Variants in ING3 observed in about 807,000 individuals in gnomAD.
The protein encoded by ING3 is inhibitor of growth protein 3.
A neutral mutation model predicts 64.8 loss-of-function variants in ING3; 6 were observed. The observed-to-expected ratio is 0.09, with a 90% CI of 0.05 to 0.18. The LOEUF is 0.18. Ranked by LOEUF, ING3 falls within the 10% of genes least tolerant of loss-of-function variation. The pLI is 1.00. For missense variants in ING3, 310 were observed against 489.7 expected (o/e 0.63, Z 3.46); for synonymous variants, 170 against 173.7 (o/e 0.98, Z 0.17).
rs1396798395 is a variant in ING3 at position 120,970,795 on chromosome 7, C to A, written c.1016C>A (p.Thr339Lys). 1 of 1,613,396 alleles carries A rather than the reference C, an allele frequency of 6.2e-7. No individual in the cohort carries two copies. The highest frequency in any genetic ancestry group is 8.5e-7 in the Non-Finnish European group (1 of 1,179,854). The change falls in exon 10 of 12, where the codon ACA (threonine) becomes AAA (lysine). Residue 339 changes from threonine to lysine, a missense_variant. Physicochemically the swap from Thr to Lys is moderately conservative, Grantham distance 78. This residue lies in a region of ING3 where 233 missense variants were observed against 289.4 expected (regional missense o/e 0.81). Coordinates refer to ENST00000315870, the MANE Select transcript of ING3 (RefSeq NM_019071.3). ...STVVQEISQQ[T>K]TVVPESDSNS... ...GTTGTACAAGAAATCTCTCAACAAA[C>A]AACTGTAGTGCCAGAATCTGATTCA...
intron 3 of ING3, 140 bp from the exon 4 acceptor site, chr7:120,955,418 CT>C (rs777316961): frequency 2.0e-5 from 12 of 606,042 alleles, no homozygotes; most frequent in Non-Finnish European, 2.5e-5. Context: ...GCCACTGCCC[CT>C]GGCCTCTAAC....
chr7:120,967,728 AATCATACAG>A, intron 7 of ING3, 80 bp downstream of exon 7: 1 of 1,415,598 alleles, frequency 7.1e-7, no homozygotes, highest in Non-Finnish European at 9.6e-7. Flanking sequence ...AGGATTAATG[AATCATACAG>A]TTTCTTTACC....
intron 5 of ING3, 106 bp downstream of exon 5, chr7:120,964,944 G>C: frequency 1.2e-6 from 1 of 847,770 alleles, no homozygotes; most frequent in Non-Finnish European, 1.9e-6. Context: ...TTCAATGGAT[G>C]GTGGCATCCA....
chr7:120,954,813 A>G (rs554924348), intron 3 of ING3, among the ~76,000 whole-genome samples: 2 of 152,312 alleles, frequency 1.3e-5, no homozygotes, highest in East Asian at 3.9e-4. Context: ...ATGAATATAT[A>G]CCTAATTTAA....
intron 10 of ING3, among the ~76,000 whole-genome samples, chr7:120,971,565 T>C (rs1796070423): frequency 2.0e-5 from 3 of 152,218 alleles, no homozygotes; most frequent in Admixed American, 1.3e-4. Flanking sequence ...GTGTATACTT[T>C]CTTGTTACTG....
chr7:120,960,435 A>G (rs1038130133), intron 4 of ING3, among the ~76,000 whole-genome samples: 2 of 152,212 alleles, frequency 1.3e-5, no homozygotes, highest in Admixed American at 6.5e-5. Flanking sequence ...CTTAAACATT[A>G]TATTATAGGA....
At chr7:120,952,537 A>G (rs1436076140) in intron 2 of ING3, among the ~76,000 whole-genome samples, 15 of 152,208 alleles carry the variant, frequency 9.9e-5, no homozygotes, top group Non-Finnish European at 2.2e-4. Flanking sequence ...TACAGTAACT[A>G]GAATTTTCTA....
intron 4 of ING3, chr7:120,956,727 A>T: frequency 1.0e-6 from 1 of 980,260 alleles, no homozygotes; most frequent in Non-Finnish European, 1.2e-6. Flanking sequence ...GTCTTTAATT[A>T]TGTCTATAAA....
chr7:120,964,939 T>C (rs1253248858), intron 5 of ING3, 101 bp downstream of exon 5: 1 of 889,012 alleles, frequency 1.1e-6, no homozygotes, highest in Non-Finnish European at 1.8e-6. Flanking sequence ...TGCCCTTCAA[T>C]GGATGGTGGC....
intron 5 of ING3, among the ~76,000 whole-genome samples, 166 bp downstream of exon 5, chr7:120,965,004 C>T (rs1795979470): frequency 6.6e-6 from 1 of 152,104 alleles, no homozygotes; most frequent in Admixed American, 6.5e-5. Flanking sequence ...GTCATGCATA[C>T]TGAGAGAGAT....
chr7:120,973,630 G>A (rs1796097927), intron 11 of ING3, among the ~76,000 whole-genome samples: 1 of 152,110 alleles, frequency 6.6e-6, no homozygotes, highest in Non-Finnish European at 1.5e-5. Context: ...TGAAGGGTGG[G>A]ATAATTGAGG....
chr7:120,952,735 A>G (rs916787638), intron 2 of ING3, among the ~76,000 whole-genome samples: 2 of 151,984 alleles, frequency 1.3e-5, no homozygotes, highest in Non-Finnish European at 2.9e-5. Flanking sequence ...TTACATAACA[A>G]CAGAATCTTT....
intron 7 of ING3, 77 bp from the exon 8 acceptor site, chr7:120,967,857 T>A: frequency 6.9e-7 from 1 of 1,446,848 alleles, no homozygotes; most frequent in South Asian, 1.2e-5. Context: ...ATGTCTGTGC[T>A]GGGAAATAAT....
In ING3 at chr7:120,969,115, T is replaced by C. The variant is rs150854781; in HGVS notation, c.819T>C (p.Val273=). Residue 273 remains valine (V), a synonymous_variant, in exon 9 of 12, where the codon GTT becomes GTC. Coordinates refer to ENST00000315870, the MANE Select transcript of ING3 (RefSeq NM_019071.3). ...GKEFSMARET[V]GYSSSSALMT... ...AATTTTCAATGGCCAGGGAAACAGT[T>C]GGCTATTCATCATCTTCGGCACTTA... 9.9e-6 allele frequency: 16 copies of C among 1,614,024 alleles called. No homozygotes were observed. In the South Asian group the frequency reaches 1.8e-4, roughly 18 times the overall value.
intron 2 of ING3, among the ~76,000 whole-genome samples, chr7:120,953,015 A>C (rs188547556): frequency 1.3e-5 from 2 of 152,282 alleles, no homozygotes; most frequent in East Asian, 3.9e-4. Flanking sequence ...TTTTGACCTA[A>C]AGGCTTTATT....
intron 6 of ING3, 73 bp from the exon 7 acceptor site, chr7:120,967,456 T>C: frequency 9.3e-7 from 1 of 1,080,916 alleles, no homozygotes; most frequent in Middle Eastern, 3.1e-4. Flanking sequence ...ACATTTTAAC[T>C]GGATATAAGT....
intron 4 of ING3, among the ~76,000 whole-genome samples, chr7:120,958,111 A>C (rs886354611): frequency 6.6e-6 from 1 of 151,958 alleles, no homozygotes; most frequent in African/African-American, 2.4e-5. Flanking sequence ...TCACTCTCCT[A>C]GTATCTCTGA....
chr7:120,957,371 T>TAAA (rs35872651), intron 4 of ING3, among the ~76,000 whole-genome samples: 2 of 139,280 alleles, frequency 1.4e-5, no homozygotes, highest in African/African-American at 2.6e-5. Context: ...GACTCTGTCT[T>TAAA]AAAAAAAAAA....
chr7:120,970,572 A>G, intron 9 of ING3, 116 bp from the exon 10 acceptor site: 1 of 1,045,612 alleles, frequency 9.6e-7, no homozygotes, highest in East Asian at 2.6e-5. Context: ...GGATTACTTT[A>G]GCTTACACTT....
Sources: allele counts gnomAD v4.1 joint callset (sites outside exome capture counted in the v4.1 genomes callset), GRCh38; gene constraint gnomAD v4.1.1; regional missense constraint gnomAD v4.1.1; transcripts MANE v1.5; gene names NCBI Gene and HGNC (gene_info 2026-07-23, HGNC 2026-07-21).